AK5: variants seen among roughly 807,000 people sequenced by gnomAD.
The protein encoded by AK5 is adenylate kinase 5, also known as adenylate kinase isoenzyme 5.
Under a neutral mutation model 69.5 loss-of-function variants are expected in AK5, and 27 were observed. That is an observed-to-expected ratio of 0.39 (90% CI 0.29 to 0.54). The LOEUF (loss-of-function observed/expected upper bound fraction) is 0.54, where lower values mean the gene tolerates loss of function less well. Ranked by LOEUF, AK5 falls within the 20% of genes least tolerant of loss-of-function variation. AK5 has a pLI of 0.71. For missense variants in AK5, 531 were observed against 700.4 expected (o/e 0.76, Z 2.73); for synonymous variants, 260 against 244.4 (o/e 1.06, Z -0.60).
chr1:77,535,690 G>A (rs748319643), intron 12 of AK5, among the ~76,000 whole-genome samples, 157 bp from the exon 13 acceptor site: 5 of 152,252 alleles, frequency 3.3e-5, no homozygotes, highest in East Asian at 1.9e-4. Flanking sequence ...TGGAAGGGGG[G>A]AGCTATGGAG....
At chr1:77,486,878 A>G (rs1557628767) in intron 10 of AK5, among the ~76,000 whole-genome samples, 1 of 152,176 alleles carries the variant, frequency 6.6e-6, no homozygotes, top group Non-Finnish European at 1.5e-5. Flanking sequence ...AAGAATGTCA[A>G]ACTTCTGAGT....
At chr1:77,333,975 A>T (rs1271773119) in intron 5 of AK5, among the ~76,000 whole-genome samples, 1 of 152,168 alleles carries the variant, frequency 6.6e-6, no homozygotes, top group Non-Finnish European at 1.5e-5. Flanking sequence ...ATACCACAAG[A>T]TACTTTTACT....
At chr1:77,554,774 T>TC (rs1279467460) in intron 13 of AK5, among the ~76,000 whole-genome samples, 1 of 147,502 alleles carries the variant, frequency 6.8e-6, no homozygotes, top group African/African-American at 2.5e-5. Flanking sequence ...CCCGGCTATT[T>TC]TTTTTTTTTT....
At chr1:77,326,990 T>C (rs1001488298) in intron 5 of AK5, among the ~76,000 whole-genome samples, 1 of 152,216 alleles carries the variant, frequency 6.6e-6, no homozygotes, top group Non-Finnish European at 1.5e-5. Context: ...TGTGTTCACA[T>C]ACCAATAACA....
At chr1:77,524,895 C>G (rs888057302) in intron 12 of AK5, among the ~76,000 whole-genome samples, 3 of 151,996 alleles carry the variant, frequency 2.0e-5, no homozygotes, top group Non-Finnish European at 4.4e-5. Context: ...GTATTTTGAT[C>G]CAGTTTGTTT....
intron 8 of AK5, among the ~76,000 whole-genome samples, chr1:77,480,056 G>A (rs1655164391): frequency 6.6e-6 from 1 of 152,104 alleles, no homozygotes; most frequent in Admixed American, 6.5e-5. Flanking sequence ...ACAAGATTTA[G>A]TGCTTACAGG....
intron 10 of AK5, among the ~76,000 whole-genome samples, chr1:77,509,939 C>G (rs893355277): frequency 2.0e-5 from 3 of 152,200 alleles, no homozygotes; most frequent in African/African-American, 7.2e-5. Flanking sequence ...GATTCACATG[C>G]ATTATTTTGT....
rs57024056 is a variant in AK5 at position 77,367,820 on chromosome 1, A to G, written c.891+27252A>G. On this transcript the variant is annotated intron_variant, in intron 6 of 13. Transcript: ENST00000354567. ...GTTATATATAATATATGTTATATAT[A>G]TTATATATAATATATGTTATATATA... Among the ~76,000 whole-genome samples the G allele has an allele frequency of 6.1e-4, 20 of 32,640 alleles. 2 individuals are homozygous for G. Among genetic ancestry groups the G allele is most frequent in the African/African-American group, 2.4e-3 (16 of 6,648 alleles). The allele number at this position is 32,640 out of a possible 152,430, so 21.4% of individuals were successfully genotyped here.
intron 8 of AK5, among the ~76,000 whole-genome samples, chr1:77,424,444 G>T (rs1001596333): frequency 6.6e-6 from 1 of 152,006 alleles, no homozygotes; most frequent in African/African-American, 2.4e-5. Context: ...TTTTTGTGTA[G>T]ATGAGTCATG....
At chr1:77,402,593 G>A (rs1649303837) in intron 6 of AK5, among the ~76,000 whole-genome samples, 1 of 151,862 alleles carries the variant, frequency 6.6e-6, no homozygotes, top group African/African-American at 2.4e-5. Flanking sequence ...ATGATTTCCA[G>A]CTTCATCCAT....
At chr1:77,464,428 G>A (rs1238883409) in intron 8 of AK5, among the ~76,000 whole-genome samples, 1 of 152,252 alleles carries the variant, frequency 6.6e-6, no homozygotes, top group Non-Finnish European at 1.5e-5. Context: ...CACAGTTACA[G>A]AGATGTAACA....
intron 5 of AK5, among the ~76,000 whole-genome samples, chr1:77,327,272 G>T (rs1173914480): frequency 6.6e-6 from 1 of 151,752 alleles, no homozygotes; most frequent in Non-Finnish European, 1.5e-5. Flanking sequence ...TGCACCAGTA[G>T]TCCCAGCTAT....
intron 10 of AK5, among the ~76,000 whole-genome samples, chr1:77,497,656 TG>T (rs1252315416): frequency 6.6e-6 from 1 of 152,208 alleles, no homozygotes; most frequent in Non-Finnish European, 1.5e-5. Context: ...GGTGCAATCA[TG>T]GCTCACTGCA....
At chr1:77,554,082 A>G (rs1006635540) in intron 13 of AK5, among the ~76,000 whole-genome samples, 1 of 152,220 alleles carries the variant, frequency 6.6e-6, no homozygotes, top group African/African-American at 2.4e-5. Context: ...TTTCATTGAT[A>G]TAAAATGTCC....
intron 8 of AK5, among the ~76,000 whole-genome samples, chr1:77,448,795 G>A (rs998650373): frequency 6.6e-6 from 1 of 152,222 alleles, no homozygotes; most frequent in African/African-American, 2.4e-5. Flanking sequence ...AGCCAGGGCT[G>A]TAACACCCTC....
intron 5 of AK5, among the ~76,000 whole-genome samples, chr1:77,312,116 G>A (rs1455613375): frequency 6.6e-6 from 1 of 152,142 alleles, no homozygotes; most frequent in Non-Finnish European, 1.5e-5. Flanking sequence ...GGAAGTACGT[G>A]CCAAGTGCCA....
chr1:77,308,891 C>T (rs1158260953), intron 5 of AK5, among the ~76,000 whole-genome samples: 4 of 151,786 alleles, frequency 2.6e-5, no homozygotes, highest in Non-Finnish European at 5.9e-5. Flanking sequence ...ATTGCTTGAG[C>T]CTGGGAGGCT....
chr1:77,374,618 G>A (rs568895028), intron 6 of AK5, among the ~76,000 whole-genome samples: 21 of 152,006 alleles, frequency 1.4e-4, no homozygotes, highest in African/African-American at 4.8e-4. Flanking sequence ...CCAGTAGTGC[G>A]AGACTAACCT....
chr1:77,475,425 T>TATTA lies in AK5; in HGVS notation c.1060-7892_1060-7891insATTA, dbSNP rs1553154948. Among the ~76,000 whole-genome samples, 6 of 2,640 alleles carry TATTA rather than the reference T, an allele frequency of 2.3e-3. No individual in the cohort carries two copies. The South Asian group carries it at 0.054, about 24-fold the overall frequency. 1.7% of individuals were successfully genotyped at this position (2,640 alleles called of 152,430 possible). On this transcript the variant is annotated intron_variant, in intron 8 of 13. Transcript: ENST00000354567. ...TATATATGTATATATATACTATATA[T>TATTA]TATATATATGTATATATATTATATA...
Sources: gnomAD v4.1 joint callset for allele counts (sites outside exome capture counted in the v4.1 genomes callset) on GRCh38, gnomAD v4.1.1 for gene constraint, MANE v1.5 for transcripts, NCBI Gene and HGNC (gene_info 2026-07-23, HGNC 2026-07-21) for gene names.